LRFN5: variants seen among roughly 807,000 people sequenced by gnomAD.
The protein encoded by LRFN5 is leucine-rich repeat and fibronectin type-III domain-containing protein 5.
Under a neutral mutation model 45.6 loss-of-function variants are expected in LRFN5, and 24 were observed. The ratio of observed to expected loss-of-function variants is 0.53; its 90% CI spans 0.38 to 0.74. The LOEUF (loss-of-function observed/expected upper bound fraction) is 0.74. Ranked by LOEUF, LRFN5 falls within the 30% of genes least tolerant of loss-of-function variation. The pLI, the probability that LRFN5 is intolerant of heterozygous loss-of-function variation, is 0.00. For missense variants in LRFN5, 776 were observed against 861.5 expected (o/e 0.90, Z 1.24); for synonymous variants, 340 against 313.8 (o/e 1.08, Z -0.88).
intron 2 of LRFN5, among the ~76,000 whole-genome samples, chr14:41,871,957 A>G (rs1336534335): frequency 6.6e-6 from 1 of 152,090 alleles, no homozygotes; most frequent in East Asian, 1.9e-4. Flanking sequence ...ATTATTTTAC[A>G]TTCTTATAGT....
chr14:41,850,863 T>C (rs1486904449), intron 2 of LRFN5, among the ~76,000 whole-genome samples: 1 of 151,788 alleles, frequency 6.6e-6, no homozygotes, highest in Non-Finnish European at 1.5e-5. Flanking sequence ...ATAACTTTGT[T>C]ATCCAAATGT....
At chr14:41,732,275 G>A (rs1884212552) in intron 1 of LRFN5, among the ~76,000 whole-genome samples, 1 of 152,070 alleles carries the variant, frequency 6.6e-6, no homozygotes, top group Admixed American at 6.6e-5. Context: ...TGATTTTGAT[G>A]ATTATGACGA....
chr14:41,844,209 G>A (rs1035715293), intron 2 of LRFN5, among the ~76,000 whole-genome samples: 25 of 152,244 alleles, frequency 1.6e-4, no homozygotes, highest in Admixed American at 5.2e-4. Flanking sequence ...AGGCCAAGGT[G>A]GGCGGATCAC....
intron 2 of LRFN5, among the ~76,000 whole-genome samples, chr14:41,835,199 A>T (rs986771081): frequency 2.0e-5 from 3 of 152,208 alleles, no homozygotes; most frequent in African/African-American, 7.2e-5. Context: ...TTAGAAAAAA[A>T]AGATAATTGA....
At chr14:41,812,186 T>A (rs1887759588) in intron 2 of LRFN5, among the ~76,000 whole-genome samples, 1 of 152,062 alleles carries the variant, frequency 6.6e-6, no homozygotes, top group Non-Finnish European at 1.5e-5. Flanking sequence ...CACAAATCCA[T>A]ATGTACTTGT....
intron 2 of LRFN5, among the ~76,000 whole-genome samples, chr14:41,814,070 C>T (rs183657958): frequency 6.9e-6 from 1 of 144,786 alleles, no homozygotes; most frequent in Non-Finnish European, 1.5e-5. Context: ...AGCCCTTTGT[C>T]AGATGGACAG....
intron 1 of LRFN5, among the ~76,000 whole-genome samples, chr14:41,715,979 C>T (rs1040501184): frequency 6.6e-6 from 1 of 152,296 alleles, no homozygotes; most frequent in African/African-American, 2.4e-5. Flanking sequence ...GTGGAGGTTC[C>T]CAAACTCCAG....
At chr14:41,800,457 A>G (rs1396206606) in intron 2 of LRFN5, among the ~76,000 whole-genome samples, 1 of 151,932 alleles carries the variant, frequency 6.6e-6, no homozygotes, top group Non-Finnish European at 1.5e-5. Flanking sequence ...AATGAATTCT[A>G]ACTTTTTAAT....
intron 5 of LRFN5, among the ~76,000 whole-genome samples, chr14:41,903,072 A>G (rs1484817196): frequency 4.0e-5 from 6 of 151,636 alleles, no homozygotes; most frequent in Admixed American, 2.6e-4. Flanking sequence ...GTCTTCACAT[A>G]TATGGTGTAT....
intron 1 of LRFN5, among the ~76,000 whole-genome samples, chr14:41,681,908 TC>T (rs1881913027): frequency 6.6e-6 from 1 of 151,604 alleles, no homozygotes; most frequent in South Asian, 2.1e-4. Flanking sequence ...AACCTCTGCC[TC>T]CCGGATTCAA....
chr14:41,632,808 T>C (rs1335222026), intron 1 of LRFN5, among the ~76,000 whole-genome samples: 9 of 152,214 alleles, frequency 5.9e-5, no homozygotes, highest in Non-Finnish European at 1.0e-4. Context: ...TTTTTATGTT[T>C]ATCTGCATCT....
intron 2 of LRFN5, among the ~76,000 whole-genome samples, chr14:41,781,224 AT>A (rs1360714366): frequency 6.6e-6 from 1 of 152,054 alleles, no homozygotes; most frequent in East Asian, 1.9e-4. Flanking sequence ...CTTGTGATGA[AT>A]TTCCTTAGTT....
At chr14:41,653,848 G>C (rs1212379709) in intron 1 of LRFN5, among the ~76,000 whole-genome samples, 1 of 152,110 alleles carries the variant, frequency 6.6e-6, no homozygotes, top group African/African-American at 2.4e-5. Context: ...GATTTGCTTT[G>C]AAGATACAGC....
chr14:41,810,221 A>G (rs1887689647), intron 2 of LRFN5, among the ~76,000 whole-genome samples: 1 of 152,022 alleles, frequency 6.6e-6, no homozygotes, highest in Non-Finnish European at 1.5e-5. Flanking sequence ...AACCAAACCT[A>G]AGAAGTTCAT....
chr14:41,900,174 T>C (rs530501653), intron 5 of LRFN5, among the ~76,000 whole-genome samples: 8 of 152,120 alleles, frequency 5.3e-5, no homozygotes, highest in Non-Finnish European at 8.8e-5. Context: ...AGGATACCTT[T>C]ATATAATAAT....
rs567531910 is a variant in LRFN5 at position 41,688,025 on chromosome 14, G to C, written c.-196-78829G>C. Among the ~76,000 whole-genome samples, 4 of 152,226 alleles carry C rather than the reference G, an allele frequency of 2.6e-5. No homozygotes were observed. The East Asian group carries it at 7.7e-4, about 29-fold the overall frequency. On this transcript the variant is annotated intron_variant, in intron 1 of 5. Coordinates refer to ENST00000298119, the MANE Select transcript of LRFN5 (RefSeq NM_152447.5). ...GATCTTGTCAGCAACAACATGGATG[G>C]ACCTGAAGATTATTATGTTAAGTGT...
intron 1 of LRFN5, among the ~76,000 whole-genome samples, chr14:41,701,972 G>A (rs1882857698): frequency 1.3e-5 from 2 of 152,082 alleles, no homozygotes; most frequent in Admixed American, 1.3e-4. Flanking sequence ...GCACTGGTAG[G>A]TAGTGCTTTG....
chr14:41,649,991 ATAAT>A (rs947234081), intron 1 of LRFN5, among the ~76,000 whole-genome samples: 1 of 152,218 alleles, frequency 6.6e-6, no homozygotes, highest in Non-Finnish European at 1.5e-5. Flanking sequence ...AAAGGCAATA[ATAAT>A]TAAGAAAAAA....
At chr14:41,734,316 T>TTATTTATATATATATATATATATA (rs1441190358) in intron 1 of LRFN5, among the ~76,000 whole-genome samples, 2 of 38,796 alleles carry the variant, frequency 5.2e-5, no homozygotes, top group African/African-American at 1.1e-4. Context: ...TGGACTGGTT[T>TTATTTATATATATATATATATATA]TATATATATA....
Sources: allele counts gnomAD v4.1 joint callset (sites outside exome capture counted in the v4.1 genomes callset), GRCh38; gene constraint gnomAD v4.1.1; transcripts MANE v1.5; gene names NCBI Gene and HGNC (gene_info 2026-07-23, HGNC 2026-07-21).